The following CASK variants were observed in gnomAD, a reference collection of about 807,000 sequenced individuals.
CASK encodes calcium/calmodulin dependent serine protein kinase.
A neutral mutation model predicts 82.9 loss-of-function variants in CASK; 4 were observed. The ratio of observed to expected loss-of-function variants is 0.05; its 90% CI spans 0.02 to 0.11. CASK has a LOEUF of 0.11. Among genes scored for constraint, CASK ranks in the 10% least tolerant of loss-of-function variants. CASK has a pLI of 1.00. For missense variants in CASK, 358 were observed against 720.9 expected (o/e 0.50, Z 5.76); for synonymous variants, 259 against 253.5 (o/e 1.02, Z -0.20).
chrX:41,671,338 T>C, intron 6 of CASK, 90 bp downstream of exon 6: 1 of 567,904 alleles, frequency 1.8e-6, no homozygotes, highest in Non-Finnish European at 3.1e-6. Context: ...TATGAAACAC[T>C]GAGGTTGGGC....
At chrX:41,848,489 C>T (rs925395964) in intron 2 of CASK, among the ~76,000 whole-genome samples, 1 of 112,020 alleles carries the variant, frequency 8.9e-6, no homozygotes, top group African/African-American at 3.2e-5. Flanking sequence ...TCTCTGTACA[C>T]ACTGGTTCCC....
At chrX:41,860,408 A>T (rs1150385) in intron 1 of CASK, among the ~76,000 whole-genome samples, 18,874 of 111,041 alleles carry the variant, frequency 0.17, 1,446 homozygotes, top group Middle Eastern at 0.3. Context: ...AGACATATAT[A>T]AATTTATATA....
chrX:41,754,003 T>C (rs982005448), intron 3 of CASK, among the ~76,000 whole-genome samples: 17 of 112,511 alleles, frequency 1.5e-4, no homozygotes, highest in African/African-American at 4.8e-4. Flanking sequence ...TTAGAAAATA[T>C]TTTAAACTGA....
At chrX:41,835,459 G>A (rs1001708634) in intron 2 of CASK, among the ~76,000 whole-genome samples, 7 of 111,856 alleles carry the variant, frequency 6.3e-5, no homozygotes, top group Middle Eastern at 4.7e-3. Context: ...TATATTTCCC[G>A]AATGTAACAT....
At chrX:41,767,243 G>T (rs1294305145) in intron 3 of CASK, among the ~76,000 whole-genome samples, 1 of 111,979 alleles carries the variant, frequency 8.9e-6, no homozygotes, top group Admixed American at 9.5e-5. Flanking sequence ...AAAAAATACA[G>T]TATTTGCTAA....
chrX:41,653,819 G>C (rs2066897485), intron 8 of CASK, among the ~76,000 whole-genome samples: 1 of 112,484 alleles, frequency 8.9e-6, no homozygotes, highest in Admixed American at 9.4e-5. Context: ...GCTGCAGAGT[G>C]GACAGGCATG....
rs1364516357 is a variant in CASK at position 41,725,423 on chromosome X, TAC to T, written c.429+13959_429+13960del. ...AAGAATTTCAAAGGGTTGTGTATGG[TAC>T]AGTTTTTATGTTTATCAAAAGAGAA... On this transcript the variant is annotated intron_variant, in intron 5 of 26. Transcript: ENST00000378163. Among the ~76,000 whole-genome samples, 3 of 111,464 alleles carry T rather than the reference TAC, an allele frequency of 2.7e-5. No individual in the cohort carries two copies. In the East Asian group the frequency reaches 8.4e-4, roughly 31 times the overall value.
At chrX:41,788,963 T>C (rs1342895535) in intron 2 of CASK, among the ~76,000 whole-genome samples, 1 of 111,463 alleles carries the variant, frequency 9.0e-6, no homozygotes, top group Non-Finnish European at 1.9e-5. Context: ...ATGGAGAAAC[T>C]GAGGCTTAGA....
chrX:41,888,138 T>C (rs2072081545), intron 1 of CASK, among the ~76,000 whole-genome samples: 2 of 111,641 alleles, frequency 1.8e-5, no homozygotes, highest in Admixed American at 1.9e-4. Context: ...TCTAAAAAAC[T>C]TGGGGACACT....
At chrX:41,608,065 C>A (rs2065985992) in intron 12 of CASK, among the ~76,000 whole-genome samples, 1 of 112,003 alleles carries the variant, frequency 8.9e-6, no homozygotes, top group African/African-American at 3.2e-5. Flanking sequence ...GGGAAAGAAG[C>A]AACTGTTAGA....
At chrX:41,565,768 C>A (rs916039484) in intron 16 of CASK, among the ~76,000 whole-genome samples, 2 of 111,472 alleles carry the variant, frequency 1.8e-5, no homozygotes, top group Non-Finnish European at 3.8e-5. Flanking sequence ...CAAAGCCTGG[C>A]AGAGACACAA....
At position 41,559,852 on chromosome X, in the gene CASK, A is replaced by AG. The variant is rs746809939; in HGVS notation, c.1669-6dup. 180 of 1,197,196 alleles carry AG rather than the reference A, an allele frequency of 1.5e-4. No individual in the cohort carries two copies. Among genetic ancestry groups the AG allele is most frequent in the Non-Finnish European group, 1.9e-4 (170 of 884,002 alleles). On this transcript the variant is annotated splice_region_variant and splice_polypyrimidine_tract_variant and intron_variant, in intron 17 of 26. Transcript: ENST00000378163. ...AATACTCCCCCGCATTTCCCTCTGG[A>AG]GGGGGGGTGGTGGGAAAGAAAGAAA...
chrX:41,882,417 A>C (rs909131752), intron 1 of CASK, among the ~76,000 whole-genome samples: 2 of 111,736 alleles, frequency 1.8e-5, no homozygotes, highest in African/African-American at 6.5e-5. Context: ...TTTTGAGACT[A>C]ACTCTCAGTC....
chrX:41,557,499 A>C (rs888641834), intron 18 of CASK, among the ~76,000 whole-genome samples: 5 of 111,489 alleles, frequency 4.5e-5, no homozygotes, highest in African/African-American at 1.6e-4. Flanking sequence ...GTATTTAATA[A>C]TTTTTAGTAC....
At chrX:41,715,280 A>G (rs958224465) in intron 5 of CASK, among the ~76,000 whole-genome samples, 4 of 111,879 alleles carry the variant, frequency 3.6e-5, no homozygotes, top group African/African-American at 1.3e-4. Flanking sequence ...CCCTATGGAA[A>G]TTTGAGGAGT....
intron 1 of CASK, among the ~76,000 whole-genome samples, chrX:41,868,842 A>G (rs977030172): frequency 9.0e-6 from 1 of 111,360 alleles, no homozygotes; most frequent in Admixed American, 9.5e-5. Flanking sequence ...CTCATCTGCT[A>G]TTGTACAAGT....
intron 8 of CASK, among the ~76,000 whole-genome samples, chrX:41,656,333 T>C (rs1307421353): frequency 1.8e-5 from 2 of 112,063 alleles, no homozygotes; most frequent in South Asian, 3.7e-4. Flanking sequence ...CTGGTAACCC[T>C]GGGAGGCCAC....
At chrX:41,698,435 C>A (rs1252376767) in intron 5 of CASK, among the ~76,000 whole-genome samples, 1 of 111,741 alleles carries the variant, frequency 8.9e-6, no homozygotes, top group Non-Finnish European at 1.9e-5. Context: ...CATTGCCTCC[C>A]TGGAGCTTAG....
At chrX:41,530,167 G>A (rs1278948511) in intron 25 of CASK, among the ~76,000 whole-genome samples, 1 of 111,176 alleles carries the variant, frequency 9.0e-6, no homozygotes, top group Admixed American at 9.6e-5. Context: ...GGAGTCACAT[G>A]GCACCCACAA....
Sources: allele counts gnomAD v4.1 joint callset (sites outside exome capture counted in the v4.1 genomes callset), GRCh38; gene constraint gnomAD v4.1.1; transcripts MANE v1.5; gene names NCBI Gene and HGNC (gene_info 2026-07-23, HGNC 2026-07-21).